The following BLTP1 variants were observed in gnomAD, a reference collection of about 807,000 sequenced individuals.
The protein encoded by BLTP1 is bridge-like lipid transfer protein family member 1.
At chr4:122,161,877 T>C in the BLTP1 span, among the ~76,000 whole-genome samples, 2 of 152,202 alleles carry the variant, frequency 1.3e-5, no homozygotes, top group Non-Finnish European at 2.9e-5. Flanking sequence ...GAAGCAAATA[T>C]TTATTGAGAG....
the BLTP1 span, among the ~76,000 whole-genome samples, chr4:122,358,204 A>G: frequency 6.6e-6 from 1 of 152,234 alleles, no homozygotes. Context: ...AAACCTGTGA[A>G]GTTCAGAATT....
the BLTP1 span, chr4:122,359,405 T>A: frequency 7.5e-7 from 1 of 1,341,216 alleles, no homozygotes; most frequent in East Asian, 2.7e-5. Flanking sequence ...AATTGGTACT[T>A]ATGGCTTATT....
the BLTP1 span, among the ~76,000 whole-genome samples, chr4:122,354,647 T>TA: frequency 0.036 from 5,393 of 151,350 alleles, 339 homozygotes; most frequent in African/African-American, 0.12. Context: ...ATGTTTTACA[T>TA]AAAAATGACC....
the BLTP1 span, chr4:122,308,212 A>T: frequency 1.3e-6 from 2 of 1,578,414 alleles, no homozygotes; most frequent in Middle Eastern, 3.4e-4. Context: ...ATTTCTACAT[A>T]ACCATTTCTA....
chr4:122,279,555 T>A, the BLTP1 span, among the ~76,000 whole-genome samples: 4 of 152,202 alleles, frequency 2.6e-5, no homozygotes, highest in Admixed American at 1.3e-4. Flanking sequence ...CTTGGTACTT[T>A]AAAGAAGATC....
At chr4:122,305,775 G>A in the BLTP1 span, 2 of 1,363,878 alleles carry the variant, frequency 1.5e-6, no homozygotes, top group South Asian at 3.2e-5. Context: ...TGAGAAAAAT[G>A]TATTATAGTT....
chr4:122,353,220 G>A, the BLTP1 span: 1 of 1,566,074 alleles, frequency 6.4e-7, no homozygotes. This position sits in a 1 kb window ranked among gnomAD's most constrained non-coding sequence, Gnocchi z 4.3. Context: ...AATGACAATT[G>A]TATTTCTGAA....
At chr4:122,288,882 A>C in the BLTP1 span, among the ~76,000 whole-genome samples, 1 of 152,090 alleles carries the variant, frequency 6.6e-6, no homozygotes. Context: ...ACAAAAAACA[A>C]AACCCATTTT....
At chr4:122,287,815 G>T in the BLTP1 span, 1 of 545,204 alleles carries the variant, frequency 1.8e-6, no homozygotes, top group African/African-American at 2.1e-5. Context: ...ACAAGTCAAA[G>T]ATTTAACTGA....
chr4:122,241,443 A>C, the BLTP1 span, among the ~76,000 whole-genome samples: 3 of 152,018 alleles, frequency 2.0e-5, no homozygotes, highest in Admixed American at 6.6e-5. Context: ...ATAGGATCTC[A>C]TGTACTTTGA....
chr4:122,257,398 T>A, the BLTP1 span: 1 of 1,613,970 alleles, frequency 6.2e-7, no homozygotes, highest in Non-Finnish European at 8.5e-7. Flanking sequence ...CTCAAATAGC[T>A]ATGGACCATG....
chr4:122,230,694 G>C, the BLTP1 span, among the ~76,000 whole-genome samples: 3 of 152,010 alleles, frequency 2.0e-5, no homozygotes, highest in Admixed American at 2.0e-4. Context: ...TATTATATAT[G>C]ATTTAAAAAG....
the BLTP1 span, chr4:122,202,538 C>A: frequency 1.0e-6 from 1 of 970,034 alleles, no homozygotes; most frequent in Non-Finnish European, 1.2e-6. Context: ...TGTTACATTA[C>A]TTACCTCTTT....
chr4:122,165,312 A>T, the BLTP1 span, among the ~76,000 whole-genome samples: 1 of 151,622 alleles, frequency 6.6e-6, no homozygotes, highest in Non-Finnish European at 1.5e-5. Flanking sequence ...TATGAGTGAG[A>T]ACATGTGGTG....
At chr4:122,255,506 C>T in the BLTP1 span, among the ~76,000 whole-genome samples, 28 of 152,110 alleles carry the variant, frequency 1.8e-4, no homozygotes, top group South Asian at 3.9e-3. Flanking sequence ...ATTAGCTGGG[C>T]GTGCTGGCTG....
the BLTP1 span, chr4:122,254,550 T>C: frequency 1.1e-3 from 1,037 of 942,040 alleles, 4 homozygotes; most frequent in Non-Finnish European, 9.5e-4. Context: ...ACTTTAGTTT[T>C]ATTTTTATAT....
chr4:122,312,800 A>G, the BLTP1 span: 2 of 795,130 alleles, frequency 2.5e-6, no homozygotes, highest in Non-Finnish European at 3.0e-6. Context: ...TATGAATAGT[A>G]AGCTCAAATT....
At chr4:122,257,191 G>T in the BLTP1 span, 2 of 1,481,654 alleles carry the variant, frequency 1.3e-6, no homozygotes, top group Non-Finnish European at 9.3e-7. Flanking sequence ...TACATGCAAA[G>T]CACTTAAATG....
At chr4:122,223,270 T>G in the BLTP1 span, 2 of 263,090 alleles carry the variant, frequency 7.6e-6, no homozygotes, top group Non-Finnish European at 5.9e-6. Flanking sequence ...TAAGACTGTT[T>G]CCCAACATAT....
Sources: gnomAD v4.1 joint callset for allele counts (sites outside exome capture counted in the v4.1 genomes callset) on GRCh38, gnomAD v4.1.1 for gene constraint, Gnocchi (gnomAD v3.1) non-coding constraint, MANE v1.5 for transcripts, NCBI Gene and HGNC (gene_info 2026-07-23, HGNC 2026-07-21) for gene names.